The following RCAN2 variants were observed in gnomAD, a reference collection of about 807,000 sequenced individuals.
RCAN2 encodes calcipressin-2.
A neutral mutation model predicts 23.6 loss-of-function variants in RCAN2; 9 were observed. That is an observed-to-expected ratio of 0.38 (90% CI 0.23 to 0.67). The LOEUF (loss-of-function observed/expected upper bound fraction) is 0.67. RCAN2 is among the 30% of genes least tolerant of loss of function. The pLI is 0.51. For missense variants in RCAN2, 273 were observed against 302.3 expected (o/e 0.90, Z 0.72); for synonymous variants, 109 against 115.7 (o/e 0.94, Z 0.37).
rs147410150 is a variant in RCAN2 at position 46,452,686 on chromosome 6, T to C, written c.225+4066A>G. 4.9e-3 allele frequency among the ~76,000 whole-genome samples: 741 copies of C among 152,244 alleles called. 2 individuals are homozygous for C. Among genetic ancestry groups the C allele is most frequent in the Non-Finnish European group, 8.0e-3 (544 of 68,012 alleles). On this transcript the variant is annotated intron_variant, in intron 2 of 4. Transcript: ENST00000371374. ...GAGTTACAGAAAGATACTACCCTCA[T>C]AGGGTTGTCATGACAAGTAAAGGAC...
chr6:46,410,406 T>C (rs1359496750), intron 2 of RCAN2, among the ~76,000 whole-genome samples: 1 of 152,200 alleles, frequency 6.6e-6, no homozygotes, highest in African/African-American at 2.4e-5. Context: ...ATATCAATAA[T>C]AGACCCTATT....
chr6:46,343,670 T>G (rs1378052765), intron 2 of RCAN2, among the ~76,000 whole-genome samples: 1 of 152,152 alleles, frequency 6.6e-6, no homozygotes, highest in East Asian at 1.9e-4. Flanking sequence ...CCACCACACC[T>G]AGCCAGGAAA....
chr6:46,322,379 AAT>A (rs1168444504), intron 2 of RCAN2, among the ~76,000 whole-genome samples: 1 of 152,248 alleles, frequency 6.6e-6, no homozygotes, highest in East Asian at 1.9e-4. Flanking sequence ...GAGAAAGCCA[AAT>A]ATGGCAGAAT....
At chr6:46,446,679 T>C (rs1043782334) in intron 2 of RCAN2, among the ~76,000 whole-genome samples, 1 of 152,144 alleles carries the variant, frequency 6.6e-6, no homozygotes, top group African/African-American at 2.4e-5. Context: ...ATATAAAACA[T>C]GTAAATTGTG....
intron 2 of RCAN2, 82 bp downstream of exon 2, chr6:46,456,670 A>T: frequency 9.0e-7 from 1 of 1,106,300 alleles, no homozygotes; most frequent in Non-Finnish European, 1.3e-6. Context: ...ACTTCAAAAC[A>T]CCAACCACAA....
At chr6:46,292,894 C>T (rs1168787607) in intron 2 of RCAN2, among the ~76,000 whole-genome samples, 11 of 152,080 alleles carry the variant, frequency 7.2e-5, no homozygotes, top group Non-Finnish European at 1.5e-5. Context: ...CCACGACAGG[C>T]CTTGGTGTGT....
intron 1 of RCAN2, among the ~76,000 whole-genome samples, chr6:46,467,863 C>G (rs1768440041): frequency 6.6e-6 from 1 of 152,230 alleles, no homozygotes; most frequent in African/African-American, 2.4e-5. Context: ...TGCAAGAACA[C>G]TGAAGTCAGA....
chr6:46,468,756 C>T (rs113000439), intron 1 of RCAN2: 3 of 948,292 alleles, frequency 3.2e-6, no homozygotes, highest in African/African-American at 3.5e-5. Flanking sequence ...TCTCTCTCCC[C>T]ACTCTTTCTC....
chr6:46,415,205 T>G (rs1299604692), intron 2 of RCAN2, among the ~76,000 whole-genome samples: 2 of 152,160 alleles, frequency 1.3e-5, no homozygotes, highest in African/African-American at 2.4e-5. Context: ...ACTATCCACA[T>G]GAGCAGAACT....
intron 2 of RCAN2, among the ~76,000 whole-genome samples, chr6:46,453,914 C>T (rs562029172): frequency 2.4e-4 from 37 of 152,232 alleles, no homozygotes; most frequent in East Asian, 5.8e-4. Flanking sequence ...ATGAAACCAC[C>T]GACCCTCGTA....
At chr6:46,301,523 G>A (rs761593787) in intron 2 of RCAN2, among the ~76,000 whole-genome samples, 5 of 152,052 alleles carry the variant, frequency 3.3e-5, no homozygotes, top group Non-Finnish European at 7.4e-5. Flanking sequence ...TATTAAATGT[G>A]TACTAAAGGC....
At chr6:46,413,923 T>C (rs770832850) in intron 2 of RCAN2, among the ~76,000 whole-genome samples, 3 of 152,196 alleles carry the variant, frequency 2.0e-5, no homozygotes, top group Non-Finnish European at 4.4e-5. Flanking sequence ...TTGAGTTTTC[T>C]TCTCTATTAG....
chr6:46,455,717 G>T (rs548317388), intron 2 of RCAN2, among the ~76,000 whole-genome samples: 1 of 151,712 alleles, frequency 6.6e-6, no homozygotes, highest in East Asian at 1.9e-4. Flanking sequence ...TTAGCTGGGC[G>T]TGGTGATGGG....
intron 1 of RCAN2, among the ~76,000 whole-genome samples, chr6:46,466,417 G>C (rs908765754): frequency 1.3e-5 from 2 of 152,108 alleles, no homozygotes; most frequent in Non-Finnish European, 2.9e-5. Flanking sequence ...GGACTAGAAG[G>C]CTGCCTAGGG....
chr6:46,454,802 C>G (rs1000690670), intron 2 of RCAN2, among the ~76,000 whole-genome samples: 1 of 152,164 alleles, frequency 6.6e-6, no homozygotes, highest in Non-Finnish European at 1.5e-5. Context: ...ATCCTTTATT[C>G]AATCACAAAT....
At chr6:46,397,480 T>C (rs1766128256) in intron 2 of RCAN2, among the ~76,000 whole-genome samples, 1 of 152,040 alleles carries the variant, frequency 6.6e-6, no homozygotes, top group African/African-American at 2.4e-5. Context: ...CTAATGTCAA[T>C]TTCCTGGTTT....
chr6:46,338,858 C>T (rs1232231201), intron 2 of RCAN2, among the ~76,000 whole-genome samples: 1 of 150,892 alleles, frequency 6.6e-6, no homozygotes, highest in Non-Finnish European at 1.5e-5. Flanking sequence ...AAAAAACATA[C>T]AAAAAAAATA....
chr6:46,415,160 G>C (rs1469467114), intron 2 of RCAN2, among the ~76,000 whole-genome samples: 1 of 152,230 alleles, frequency 6.6e-6, no homozygotes, highest in Non-Finnish European at 1.5e-5. Flanking sequence ...CCTGGCAACT[G>C]CGGAGGATAG....
chr6:46,486,921 A>T (rs926137868), intron 1 of RCAN2, among the ~76,000 whole-genome samples: 2 of 152,198 alleles, frequency 1.3e-5, no homozygotes, highest in Non-Finnish European at 2.9e-5. Context: ...GTTTCCATTG[A>T]GTTTAAAGCT....
Sources: allele counts gnomAD v4.1 joint callset (sites outside exome capture counted in the v4.1 genomes callset), GRCh38; gene constraint gnomAD v4.1.1; transcripts MANE v1.5; gene names NCBI Gene and HGNC (gene_info 2026-07-23, HGNC 2026-07-21).